Variants in RIPOR3 observed in about 807,000 individuals in gnomAD.
RIPOR3 encodes the protein RIPOR family member 3.
A neutral mutation model predicts 114.3 loss-of-function variants in RIPOR3; 95 were observed. The ratio of observed to expected loss-of-function variants is 0.83; its 90% CI spans 0.70 to 0.99. The LOEUF is 0.99. RIPOR3 is among the 50% of genes least tolerant of loss of function. The pLI, the probability that RIPOR3 is intolerant of heterozygous loss-of-function variation, is 0.00. For missense variants in RIPOR3, 1,252 were observed against 1,266.9 expected (o/e 0.99, Z 0.18); for synonymous variants, 575 against 543.8 (o/e 1.06, Z -0.80).
chr20:50,644,976 A>G (rs2123356342), intron 1 of RIPOR3, among the ~76,000 whole-genome samples: 1 of 151,692 alleles, frequency 6.6e-6, no homozygotes, highest in East Asian at 1.9e-4. Context: ...AGTAGCTGAG[A>G]TTACAAGCAC....
chr20:50,628,905 G>T (rs925150407), intron 2 of RIPOR3, among the ~76,000 whole-genome samples: 5 of 152,228 alleles, frequency 3.3e-5, no homozygotes, highest in Non-Finnish European at 7.3e-5. Context: ...CCTCAGGGGG[G>T]TGGAGGTGGG....
intron 1 of RIPOR3, among the ~76,000 whole-genome samples, chr20:50,679,161 C>CAG (rs1483859070): frequency 0.018 from 1,868 of 102,952 alleles, 62 homozygotes; most frequent in Middle Eastern, 0.056. Flanking sequence ...CACACACACA[C>CAG]ACACAGAGAG....
At chr20:50,667,356 C>T (rs1307559654) in intron 1 of RIPOR3, among the ~76,000 whole-genome samples, 3 of 138,604 alleles carry the variant, frequency 2.2e-5, no homozygotes, top group African/African-American at 5.4e-5. Flanking sequence ...TGCAATGGCA[C>T]GATCTTGGCT....
At chr20:50,621,746 T>C (rs1287591969) in intron 2 of RIPOR3, among the ~76,000 whole-genome samples, 2 of 152,176 alleles carry the variant, frequency 1.3e-5, no homozygotes, top group Non-Finnish European at 2.9e-5. Flanking sequence ...GATCTAGCTA[T>C]GTCTAAAGCT....
chr20:50,609,681 C>A lies in RIPOR3; in HGVS notation c.468G>T (p.Leu156=). The change falls in exon 7 of 22, where the codon CTG becomes CTT. Residue 156 remains leucine (L), a synonymous_variant. Transcript: ENST00000327979. ...LYEDYCIQCR[L]RDGASSMQRA... ...GCTGCATGCTGGAGGCGCCGTCGCG[C>A]AGGCGGCACTGGATGCAGTAGTCCT... 1 of 1,392,824 alleles carries A rather than the reference C, an allele frequency of 7.2e-7. No homozygotes were observed. Among genetic ancestry groups the A allele is most frequent in the South Asian group, 1.8e-5 (1 of 56,562 alleles). The allele number at this position is 1,392,824 out of a possible 1,614,324, so 86.3% of individuals were successfully genotyped here. A position where few individuals can be genotyped will look rare whatever the true frequency, so the allele number is the denominator to read the frequency against.
chr20:50,619,150 G>A (rs1478150285), intron 3 of RIPOR3, among the ~76,000 whole-genome samples: 2 of 152,084 alleles, frequency 1.3e-5, no homozygotes, highest in East Asian at 3.9e-4. Flanking sequence ...TTTCTCATCT[G>A]TAAAATAAGG....
intron 1 of RIPOR3, among the ~76,000 whole-genome samples, chr20:50,639,016 T>A (rs2123311787): frequency 6.6e-6 from 1 of 151,880 alleles, no homozygotes; most frequent in South Asian, 2.1e-4. Context: ...CCAAGGTGGG[T>A]GGATAACTTG....
At chr20:50,671,781 C>T (rs964702640) in intron 1 of RIPOR3, among the ~76,000 whole-genome samples, 6 of 144,834 alleles carry the variant, frequency 4.1e-5, no homozygotes, top group Admixed American at 2.1e-4. Context: ...AATGGGTGGG[C>T]GAAGGGATGG....
chr20:50,596,819 G>A (rs1005437853), intron 14 of RIPOR3, among the ~76,000 whole-genome samples: 4 of 152,226 alleles, frequency 2.6e-5, no homozygotes, highest in African/African-American at 4.8e-5. Flanking sequence ...GGTGAGATGC[G>A]GATGCAGAAG....
intron 1 of RIPOR3, among the ~76,000 whole-genome samples, chr20:50,641,634 C>T (rs2085200016): frequency 2.0e-5 from 3 of 152,232 alleles, no homozygotes; most frequent in Admixed American, 2.0e-4. Flanking sequence ...CCCCTTCCAG[C>T]CATCCTGGGA....
At chr20:50,660,648 A>G (rs1006275234) in intron 1 of RIPOR3, among the ~76,000 whole-genome samples, 3 of 152,028 alleles carry the variant, frequency 2.0e-5, no homozygotes, top group Non-Finnish European at 4.4e-5. Flanking sequence ...GGTGGAGACA[A>G]ACACCCCCTA....
At chr20:50,600,931 G>A (rs73272551) in intron 13 of RIPOR3, among the ~76,000 whole-genome samples, 1 of 152,170 alleles carries the variant, frequency 6.6e-6, no homozygotes, top group East Asian at 1.9e-4. Context: ...ATGTTGATTT[G>A]TCCTGTTGGA....
chr20:50,654,475 G>C (rs2085739060), intron 1 of RIPOR3, among the ~76,000 whole-genome samples: 2 of 119,368 alleles, frequency 1.7e-5, no homozygotes. Flanking sequence ...CTGTCACCCA[G>C]GCTGGAGTGC....
intron 1 of RIPOR3, among the ~76,000 whole-genome samples, chr20:50,671,897 G>A (rs187862107): frequency 4.2e-4 from 63 of 150,052 alleles, no homozygotes; most frequent in African/African-American, 1.2e-3. Context: ...TAGATGGATG[G>A]GTGGAAGGAA....
At position 50,615,997 on chromosome 20, in the gene RIPOR3, C is replaced by G; in HGVS notation, c.348+5G>C. 1 of 1,604,620 alleles carries G rather than the reference C, an allele frequency of 6.2e-7. No homozygotes were observed. Among genetic ancestry groups the G allele is most frequent in the Non-Finnish European group, 8.5e-7 (1 of 1,175,652 alleles). ...GGGTGGGAAGCAGGCAGGGAGGGGT[C>G]TCACCAGCCTGGAATTCCTCCTGGT... On this transcript the variant is annotated splice_donor_5th_base_variant and intron_variant, in intron 4 of 21. Transcript: ENST00000327979.
rs755635666 is a variant in RIPOR3, at chr20:50,593,232, G to A, written c.2213-36C>T. On this transcript the variant is annotated intron_variant, in intron 17 of 21. Transcript: ENST00000327979. ...GGGAGAGTACATCAGGAGAAACTGA[G>A]ACCTCGACCCTCCACGCTTCTCAGC... 3 of 1,596,258 alleles carry A rather than the reference G, an allele frequency of 1.9e-6. No homozygotes were observed. In the Admixed American group the frequency reaches 5.1e-5, roughly 27 times the overall value.
intron 12 of RIPOR3, among the ~76,000 whole-genome samples, chr20:50,603,899 G>C (rs978840340): frequency 7.2e-5 from 11 of 152,268 alleles, no homozygotes; most frequent in African/African-American, 2.6e-4. Flanking sequence ...AGTCCAGAGA[G>C]GGCTGGGCAC....
intron 4 of RIPOR3, among the ~76,000 whole-genome samples, chr20:50,613,537 A>G (rs1036374366): frequency 1.3e-5 from 2 of 152,188 alleles, no homozygotes; most frequent in African/African-American, 4.8e-5. Context: ...ACTACCCAGC[A>G]ACGTCTCAAA....
intron 1 of RIPOR3, among the ~76,000 whole-genome samples, chr20:50,670,158 CAAAAAAAAAAAA>C (rs34360499): frequency 2.0e-5 from 1 of 49,242 alleles, no homozygotes; most frequent in Non-Finnish European, 4.0e-5. Context: ...AACTCCATCT[CAAAAAAAAAAAA>C]AAAAAAAAAA....
Sources: gnomAD v4.1 joint callset for allele counts (sites outside exome capture counted in the v4.1 genomes callset) on GRCh38, gnomAD v4.1.1 for gene constraint, MANE v1.5 for transcripts, NCBI Gene and HGNC (gene_info 2026-07-23, HGNC 2026-07-21) for gene names.